The following SRSF8 variants were observed in gnomAD, a reference collection of about 807,000 sequenced individuals.
SRSF8 encodes the protein serine and arginine rich splicing factor 8, also known as serine/arginine-rich splicing factor 8.
In SRSF8, 3 loss-of-function variants were observed where a neutral mutation model predicts 2.0. That is an observed-to-expected ratio of 1.47 (90% CI 0.67 to 3.79). The LOEUF (loss-of-function observed/expected upper bound fraction) is 3.79. Ranked by LOEUF, SRSF8 falls within the 30% of genes most tolerant of loss-of-function variation. The probability of loss-of-function intolerance (pLI) is 0.02; values close to 1 mark genes in which losing one functional copy is unlikely to be tolerated. For missense variants in SRSF8, 408 were observed against 410.9 expected (o/e 0.99, Z 0.06); for synonymous variants, 162 against 170.7 (o/e 0.95, Z 0.40).
Position 95,067,667 on chromosome 11 carries a change from A to ATCTCGCTATAGGGGT in SRSF8, c.453_467dup (p.Arg151_Tyr155dup). The ATCTCGCTATAGGGGT allele has an allele frequency of 6.2e-7, 1 of 1,612,460 alleles. No homozygotes were observed. Among genetic ancestry groups the ATCTCGCTATAGGGGT allele is most frequent in the Non-Finnish European group, 8.5e-7 (1 of 1,179,232 alleles). On this transcript the variant is annotated inframe_insertion, in exon 1 of 1. Coordinates refer to ENST00000587424, the MANE Select transcript of SRSF8 (RefSeq NM_032102.4). ...CCAGCTGCTCCAGGTCCCGCAGCCG[A>ATCTCGCTATAGGGGT]TCTCGCTATAGGGGTTCTCGCTATA... is the stretch of plus-strand genomic sequence containing the variant.
chr11:95,069,347 G>A lies in SRSF8; in HGVS notation c.*1272G>A, dbSNP rs1555107432. On this transcript the variant is annotated 3_prime_UTR_variant, in exon 1 of 1. Transcript: ENST00000587424. Reference sequence around the variant, plus strand: ...AATTATTTTCAAATAATCCATTTTTGGCTTTCATCATTATCCCTACTAGAT... The same window carrying A: ...AATTATTTTCAAATAATCCATTTTTAGCTTTCATCATTATCCCTACTAGAT... 1 of 165,278 alleles carries A rather than the reference G, an allele frequency of 6.1e-6. No homozygotes were observed. Among genetic ancestry groups the A allele is most frequent in the East Asian group, 1.9e-4 (1 of 5,170 alleles). The allele number at this position is 165,278 out of a possible 1,614,324, so 10.2% of individuals were successfully genotyped here.
chr11:95,068,265 G>A lies in SRSF8; in HGVS notation c.*190G>A, dbSNP rs782421274. On this transcript the variant is annotated 3_prime_UTR_variant, in exon 1 of 1. Coordinates refer to ENST00000587424, the MANE Select transcript of SRSF8 (RefSeq NM_032102.4). ...AATTCATTCTATGTGCCGTTTTGTT[G>A]TTATTCACATTTTATTGTAACTTAG... 4.6e-5 allele frequency: 28 copies of A among 615,230 alleles called. No individual in the cohort carries two copies. The highest frequency in any genetic ancestry group is 1.9e-4 in the African/African-American group (10 of 53,942). The allele number at this position is 615,230 out of a possible 1,614,324, so 38.1% of individuals were successfully genotyped here. A position where few individuals can be genotyped will look rare whatever the true frequency, so the allele number is the denominator to read the frequency against.
rs192415370 is a variant in SRSF8 at position 95,069,607 on chromosome 11, G to T, written c.*1532G>T. On this transcript the variant is annotated 3_prime_UTR_variant, in exon 1 of 1. Coordinates refer to ENST00000587424, the MANE Select transcript of SRSF8 (RefSeq NM_032102.4). ...CCAGGGTTCGATTCTTGAATGAACT[G>T]GCAAGGTGGCTGTGGTCTGTAGATA... 394 of 167,128 alleles carry T rather than the reference G, an allele frequency of 2.4e-3. No individual in the cohort carries two copies. The highest frequency in any genetic ancestry group is 0.01 in the Middle Eastern group (3 of 296). 10.4% of individuals were successfully genotyped at this position (167,128 alleles called of 1,614,324 possible). A position where few individuals can be genotyped will look rare whatever the true frequency, so the allele number is the denominator to read the frequency against.
In SRSF8 at chr11:95,067,493, G is replaced by A; in HGVS notation, c.267G>A (p.Val89=). ...ACGGACGCGAGCTGCGGGTGCAGGT[G>A]GCGCGCTATGGCCGCCGGGACCTGC... The part of the protein sequence containing the change: ...ELDGRELRVQ[V]ARYGRRDLPR... Residue 89 remains valine, a synonymous_variant, in exon 1 of 1, where the codon GTG becomes GTA. Coordinates refer to ENST00000587424, the MANE Select transcript of SRSF8 (RefSeq NM_032102.4). The A allele has an allele frequency of 6.6e-7, 1 of 1,509,594 alleles. No individual in the cohort carries two copies. The highest frequency in any genetic ancestry group is 1.3e-5 in the South Asian group (1 of 78,384). 93.5% of individuals were successfully genotyped at this position (1,509,594 alleles called of 1,614,324 possible).
At position 95,067,846 on chromosome 11, in the gene SRSF8, G is replaced by A. The variant is rs1555107210; in HGVS notation, c.620G>A (p.Arg207Gln). 6.8e-6 allele frequency: 11 copies of A among 1,613,846 alleles called. No individual in the cohort carries two copies. Among genetic ancestry groups the A allele is most frequent in the Non-Finnish European group, 8.5e-6 (10 of 1,179,904 alleles). Residue 207 changes from arginine (R) to glutamine (Q), a missense_variant, in exon 1 of 1, where the codon CGG becomes CAG. This residue lies in a region of SRSF8 where 346 missense variants were observed against 316.5 expected (regional missense o/e 1.09). Coordinates refer to ENST00000587424, the MANE Select transcript of SRSF8 (RefSeq NM_032102.4). ...CGCTACAGCCGATATCACAGCAGCC[G>A]GTCTCACTCGAAGTCTGGGTCCTCC... ...NSRYSRYHSS[R>Q]SHSKSGSSTS... is the part of the protein sequence containing the mutation.
chr11:95,067,297 G>A lies in SRSF8; in HGVS notation c.71G>A (p.Arg24His), dbSNP rs1232540660. Residue 24 changes from arginine (R) to histidine (H), a missense_variant, in exon 1 of 1, where the codon CGC (arginine) becomes CAC (histidine). By Grantham distance (29) the Arg-to-His change is conservative. Coordinates refer to ENST00000587424, the MANE Select transcript of SRSF8 (RefSeq NM_032102.4). The part of the protein sequence containing the change: ...ITLKVDNLTY[R>H]TSPDSLRRVF... ...CTCAAGGTGGACAACCTGACCTACC[G>A]CACCTCTCCCGACAGCTTGAGGCGC... 1.7e-5 allele frequency: 27 copies of A among 1,591,786 alleles called. No homozygotes were observed. The highest frequency in any genetic ancestry group is 1.5e-5 in the Non-Finnish European group (18 of 1,171,576).
chr11:95,069,149 CTT>C lies in SRSF8; in HGVS notation c.*1077_*1078del, dbSNP rs1486094593. On this transcript the variant is annotated 3_prime_UTR_variant, in exon 1 of 1. Coordinates refer to ENST00000587424, the MANE Select transcript of SRSF8 (RefSeq NM_032102.4). ...GTAGGTTGTTTTATTTTCTGTATGA[CTT>C]TTGGATATTTGTACTTTTGAGAAAA... The C allele has an allele frequency of 1.2e-5, 2 of 166,898 alleles. No individual in the cohort carries two copies. The highest frequency in any genetic ancestry group is 2.9e-5 in the Non-Finnish European group (2 of 68,102). 10.3% of individuals were successfully genotyped at this position (166,898 alleles called of 1,614,324 possible). A position where few individuals can be genotyped will look rare whatever the true frequency, so the allele number is the denominator to read the frequency against.
In SRSF8 at chr11:95,067,536, G is replaced by C; in HGVS notation, c.310G>C (p.Glu104Gln). ...RRDLPRSRQG[E>Q]PRGRSRGGGY... ...GGACCTGCCCCGCAGCCGCCAGGGA[G>C]AGCCACGCGGCAGGTCCAGAGGCGG... The change falls in exon 1 of 1, where the codon GAG becomes CAG. Residue 104 changes from glutamate to glutamine, a missense_variant. Glu to Gln is a conservative substitution (Grantham distance 29). This residue lies in a region of SRSF8 where 346 missense variants were observed against 316.5 expected (regional missense o/e 1.09). Transcript: ENST00000587424. 4 of 1,525,834 alleles carry C rather than the reference G, an allele frequency of 2.6e-6. No homozygotes were observed. The highest frequency in any genetic ancestry group is 3.5e-6 in the Non-Finnish European group (4 of 1,138,886). 94.5% of individuals were successfully genotyped at this position (1,525,834 alleles called of 1,614,324 possible). A position where few individuals can be genotyped will look rare whatever the true frequency, so the allele number is the denominator to read the frequency against.
Position 95,067,937 on chromosome 11 carries a change from CTCCAGGTCTCGCTCGCGG to C in SRSF8, c.721_738del (p.Arg241_Ser246del). On this transcript the variant is annotated inframe_deletion, in exon 1 of 1. Coordinates refer to ENST00000587424, the MANE Select transcript of SRSF8 (RefSeq NM_032102.4). ...CGCGACGATCCAAGTCCTCCTCGGT[CTCCAGGTCTCGCTCGCGG>C]TCCAGGTCTTCATCTATGACCAGGA... 1 of 1,614,064 alleles carries C rather than the reference CTCCAGGTCTCGCTCGCGG, an allele frequency of 6.2e-7. No homozygotes were observed. The highest frequency in any genetic ancestry group is 1.7e-5 in the Admixed American group (1 of 60,028).
At position 95,067,478 on chromosome 11, in the gene SRSF8, G is replaced by C; in HGVS notation, c.252G>C (p.Glu84Asp). 1.3e-6 allele frequency: 2 copies of C among 1,517,846 alleles called. No homozygotes were observed. Among genetic ancestry groups the C allele is most frequent in the Non-Finnish European group, 1.8e-6 (2 of 1,135,150 alleles). The allele number at this position is 1,517,846 out of a possible 1,614,324, so 94.0% of individuals were successfully genotyped here. ...ACGGGGCGGAGCTGGACGGACGCGAGCTGCGGGTGCAGGTGGCGCGCTATG... is the reference window on the plus strand; with the variant it reads ...ACGGGGCGGAGCTGGACGGACGCGACCTGCGGGTGCAGGTGGCGCGCTATG... ...AMDGAELDGR[E>D]LRVQVARYGR... The change falls in exon 1 of 1, where the codon GAG becomes GAC. Residue 84 changes from glutamate (E) to aspartate (D), a missense_variant. Physicochemically the swap from Glu to Asp is conservative, Grantham distance 45. Coordinates refer to ENST00000587424, the MANE Select transcript of SRSF8 (RefSeq NM_032102.4).
At position 95,068,389 on chromosome 11, in the gene SRSF8, A is replaced by G. The variant is rs1488155306; in HGVS notation, c.*314A>G. On this transcript the variant is annotated 3_prime_UTR_variant, in exon 1 of 1. Transcript: ENST00000587424. ...ATGACTGTTTTGGTTTGAAATGAACAGATTGGTAACCTAATTTGTGGCCTC... is the reference window on the plus strand; with the variant it reads ...ATGACTGTTTTGGTTTGAAATGAACGGATTGGTAACCTAATTTGTGGCCTC... 1 of 306,950 alleles carries G rather than the reference A, an allele frequency of 3.3e-6. No homozygotes were observed. The highest frequency in any genetic ancestry group is 6.5e-6 in the Non-Finnish European group (1 of 153,308). 19.0% of individuals were successfully genotyped at this position (306,950 alleles called of 1,614,324 possible). A position where few individuals can be genotyped will look rare whatever the true frequency, so the allele number is the denominator to read the frequency against.
rs887338680 is a variant in SRSF8, at chr11:95,068,086, C to T, written c.*11C>T. 6.3e-7 allele frequency: 1 copy of T among 1,595,560 alleles called. No individual in the cohort carries two copies. Among genetic ancestry groups the T allele is most frequent in the South Asian group, 1.1e-5 (1 of 90,168 alleles). The stretch of plus-strand genomic sequence containing the variant: ...CAGATGTCCTCTTAAGAAAATGATG[C>T]ATCAGGAAGCAACGTGATGGAGGAC... On this transcript the variant is annotated 3_prime_UTR_variant, in exon 1 of 1. Transcript: ENST00000587424.
At position 95,067,979 on chromosome 11, in the gene SRSF8, G is replaced by C. The variant is rs1216426099; in HGVS notation, c.753G>C (p.Arg251Ser). 1 of 1,613,966 alleles carries C rather than the reference G, an allele frequency of 6.2e-7. No individual in the cohort carries two copies. Among genetic ancestry groups the C allele is most frequent in the Non-Finnish European group, 8.5e-7 (1 of 1,179,888 alleles). The change falls in exon 1 of 1, where the codon AGG becomes AGC. Residue 251 changes from arginine (R) to serine (S), a missense_variant. This residue lies in a region of SRSF8 where 346 missense variants were observed against 316.5 expected (regional missense o/e 1.09). Transcript: ENST00000587424. ...RSRSRSSSMT[R>S]SPPRVSKRKS... ...GGTCCAGGTCTTCATCTATGACCAG[G>C]AGTCCTCCCCGGGTATCCAAGAGGA... is the stretch of plus-strand genomic sequence containing the variant.
chr11:95,069,717 G>T lies in SRSF8; in HGVS notation c.*1642G>T, dbSNP rs531776015. 6.0e-6 allele frequency: 1 copy of T among 167,120 alleles called. No homozygotes were observed. Among genetic ancestry groups the T allele is most frequent in the Admixed American group, 6.5e-5 (1 of 15,300 alleles). The allele number at this position is 167,120 out of a possible 1,614,324, so 10.4% of individuals were successfully genotyped here. ...TCCAGAATCTAAATTTTACGATAAT[G>T]ACATTTCTTCTGGTCATGACAAATG... On this transcript the variant is annotated 3_prime_UTR_variant, in exon 1 of 1. Coordinates refer to ENST00000587424, the MANE Select transcript of SRSF8 (RefSeq NM_032102.4).
In SRSF8 at chr11:95,068,837, G is replaced by A. The variant is rs1858693321; in HGVS notation, c.*762G>A. 1 of 167,136 alleles carries A rather than the reference G, an allele frequency of 6.0e-6. No homozygotes were observed. Among genetic ancestry groups the A allele is most frequent in the Non-Finnish European group, 1.5e-5 (1 of 68,180 alleles). The allele number at this position is 167,136 out of a possible 1,614,324, so 10.4% of individuals were successfully genotyped here. On this transcript the variant is annotated 3_prime_UTR_variant, in exon 1 of 1. Coordinates refer to ENST00000587424, the MANE Select transcript of SRSF8 (RefSeq NM_032102.4). Reference sequence around the variant, plus strand: ...GTCAACTGCACTTCCAGTCACCCAGGCCTTGCAGATAAATAATGGAGCATG... The same window carrying A: ...GTCAACTGCACTTCCAGTCACCCAGACCTTGCAGATAAATAATGGAGCATG...
Position 95,067,774 on chromosome 11 carries a change from C to A in SRSF8, c.548C>A (p.Ser183Tyr). 6.2e-7 allele frequency: 1 copy of A among 1,614,058 alleles called. No homozygotes were observed. The highest frequency in any genetic ancestry group is 8.5e-7 in the Non-Finnish European group (1 of 1,179,882). ...SPYSRSRYRE[S>Y]RYGGSHYSSS... is the part of the protein sequence containing the mutation. ...TACAGCAGATCTCGCTACAGGGAAT[C>A]TCGCTACGGCGGATCTCACTACAGC... is the stretch of plus-strand genomic sequence containing the variant. The change falls in exon 1 of 1, where the codon TCT (serine) becomes TAT (tyrosine). Residue 183 changes from serine to tyrosine, a missense_variant. Physicochemically the swap from Ser to Tyr is moderately radical, Grantham distance 144 (BLOSUM62 -2). Around this residue, in one of 2 missense-constraint regions of SRSF8, gnomAD observed 346 missense variants for 316.5 expected, o/e 1.09. Coordinates refer to ENST00000587424, the MANE Select transcript of SRSF8 (RefSeq NM_032102.4).
rs1858717762 is a variant in SRSF8 at position 95,070,351 on chromosome 11, A to G, written c.*2276A>G. The G allele has an allele frequency of 7.3e-6, 1 of 136,744 alleles. No homozygotes were observed. The highest frequency in any genetic ancestry group is 2.5e-4 in the South Asian group (1 of 4,012). The allele number at this position is 136,744 out of a possible 1,614,324, so 8.5% of individuals were successfully genotyped here. ...CCATTGCACTCCAGCCGGGGCAACA[A>G]GAGCAAAACTTCATCTCAAAAAAAA... On this transcript the variant is annotated 3_prime_UTR_variant, in exon 1 of 1. Transcript: ENST00000587424.
In SRSF8 at chr11:95,067,725, C is replaced by G. The variant is rs782771127; in HGVS notation, c.499C>G (p.Arg167Gly). Residue 167 changes from arginine (R) to glycine (G), a missense_variant, in exon 1 of 1, where the codon CGG (arginine) becomes GGG (glycine). Arg to Gly is a moderately radical substitution (Grantham distance 125, BLOSUM62 -2). Around this residue, in one of 2 missense-constraint regions of SRSF8, gnomAD observed 346 missense variants for 316.5 expected, o/e 1.09. Coordinates refer to ENST00000587424, the MANE Select transcript of SRSF8 (RefSeq NM_032102.4). Reference sequence around the variant, plus strand: ...TCCCTACAGCCGATCTCCTTACAGCCGGTCGCGCTACAGCCGCTCTCCCTA... The same window carrying G: ...TCCCTACAGCCGATCTCCTTACAGCGGGTCGCGCTACAGCCGCTCTCCCTA... The part of the protein sequence containing the change: ...RSPYSRSPYS[R>G]SRYSRSPYSR... The G allele has an allele frequency of 1.2e-6, 2 of 1,613,984 alleles. No homozygotes were observed. Among genetic ancestry groups the G allele is most frequent in the Non-Finnish European group, 8.5e-7 (1 of 1,179,892 alleles).
rs530737080 is a variant in SRSF8 at position 95,067,484 on chromosome 11, G to C, written c.258G>C (p.Arg86=). ...DGAELDGREL[R]VQVARYGRRD... ...CGGAGCTGGACGGACGCGAGCTGCG[G>C]GTGCAGGTGGCGCGCTATGGCCGCC... Residue 86 remains arginine (R), a synonymous_variant, in exon 1 of 1, where the codon CGG becomes CGC. Transcript: ENST00000587424. 6 of 1,515,618 alleles carry C rather than the reference G, an allele frequency of 4.0e-6. No individual in the cohort carries two copies. The highest frequency in any genetic ancestry group is 1.3e-5 in the South Asian group (1 of 79,430). 93.9% of individuals were successfully genotyped at this position (1,515,618 alleles called of 1,614,324 possible).
Sources: allele counts gnomAD v4.1 joint callset, GRCh38; gene constraint gnomAD v4.1.1; regional missense constraint gnomAD v4.1.1; transcripts MANE v1.5; gene names NCBI Gene and HGNC (gene_info 2026-07-23, HGNC 2026-07-21).